Variants in PRKDC observed in about 807,000 individuals in gnomAD.
PRKDC encodes DNA-dependent protein kinase catalytic subunit.
Under a neutral mutation model 486.9 loss-of-function variants are expected in PRKDC, and 82 were observed. The observed-to-expected ratio is 0.17, with a 90% CI of 0.14 to 0.20. The LOEUF is 0.20. PRKDC is among the 10% of genes least tolerant of loss of function. The pLI is 1.00. For synonymous variants in PRKDC, 1,895 were observed against 1,837.0 expected (o/e 1.03, Z -0.81); for missense variants, 4,504 against 5,038.2 (o/e 0.89, Z 3.21).
At chr8:47,936,995 T>C (rs1213113719) in intron 11 of PRKDC, among the ~76,000 whole-genome samples, 1 of 150,064 alleles carries the variant, frequency 6.7e-6, no homozygotes, top group African/African-American at 2.4e-5. Flanking sequence ...GGCCCATGCC[T>C]GTAATCCCAG....
rs537233461 is a variant in PRKDC, at chr8:47,910,745, A to G, written c.2934+1665T>C. Reference sequence around the variant, plus strand: ...ATTTGGGGAAACGACGTTTTTTTCAATAATGACTTCTACCTCAGGTACATA... The same window carrying G: ...ATTTGGGGAAACGACGTTTTTTTCAGTAATGACTTCTACCTCAGGTACATA... On this transcript the variant is annotated intron_variant, in intron 25 of 85. Transcript: ENST00000314191. Among the ~76,000 whole-genome samples, 3 of 152,338 alleles carry G rather than the reference A, an allele frequency of 2.0e-5. No homozygotes were observed. The East Asian group carries it at 5.8e-4, about 29-fold the overall frequency.
intron 21 of PRKDC, among the ~76,000 whole-genome samples, chr8:47,921,466 G>A (rs1190879343): frequency 1.3e-5 from 2 of 152,076 alleles, no homozygotes; most frequent in African/African-American, 4.8e-5. Flanking sequence ...AATTTCTAAG[G>A]AAAATATTAA....
intron 25 of PRKDC, among the ~76,000 whole-genome samples, chr8:47,910,082 G>A (rs2089868017): frequency 6.6e-6 from 1 of 152,022 alleles, no homozygotes; most frequent in Admixed American, 6.6e-5. Context: ...TGTCATCACG[G>A]TCCCGGGTGT....
Position 47,774,233 on chromosome 8 carries a change from G to A in PRKDC, c.12327C>T (p.Asp4109=). ...CAAGGATGTTGGGGTCTGTTGCCTG[G>A]TCCATCAGGCACTTCACTTGAGTCT... The part of the protein sequence containing the change: ...SEETQVKCLM[D]QATDPNILGR... The change falls in exon 86 of 86, where the codon GAC becomes GAT. Residue 4109 remains aspartate (D), a synonymous_variant. Coordinates refer to ENST00000314191, the MANE Select transcript of PRKDC (RefSeq NM_006904.7). 1 of 1,602,132 alleles carries A rather than the reference G, an allele frequency of 6.2e-7. No individual in the cohort carries two copies. The highest frequency in any genetic ancestry group is 8.5e-7 in the Non-Finnish European group (1 of 1,174,408).
At chr8:47,786,115 A>C (rs2086786854) in intron 76 of PRKDC, among the ~76,000 whole-genome samples, 1 of 144,096 alleles carries the variant, frequency 6.9e-6, no homozygotes, top group Non-Finnish European at 1.5e-5. Context: ...CAAATAAATA[A>C]ATAAATGACA....
At chr8:47,805,874 C>T (rs2087205728) in intron 69 of PRKDC, among the ~76,000 whole-genome samples, 3 of 152,136 alleles carry the variant, frequency 2.0e-5, no homozygotes, top group Non-Finnish European at 2.9e-5. Context: ...GCCCTGCTCA[C>T]TCCCACCCCA....
intron 73 of PRKDC, among the ~76,000 whole-genome samples, chr8:47,797,472 G>A (rs997078319): frequency 3.3e-5 from 5 of 152,130 alleles, no homozygotes; most frequent in Admixed American, 6.5e-5. Flanking sequence ...CTGGGTCCCC[G>A]CAGCCCAGAG....
chr8:47,900,910 T>C lies in PRKDC; in HGVS notation c.3270-443A>G, dbSNP rs183966658. 4.0e-3 allele frequency among the ~76,000 whole-genome samples: 601 copies of C among 150,832 alleles called. 4 individuals carry two copies. The highest frequency in any genetic ancestry group is 0.025 in the South Asian group (120 of 4,780). ...TTAAAGGCTCAGCTGGGTGTGGTGG[T>C]GCATGCCTATAAAGATCACTTGAGC... On this transcript the variant is annotated intron_variant, in intron 27 of 85. Coordinates refer to ENST00000314191, the MANE Select transcript of PRKDC (RefSeq NM_006904.7).
rs1195888601 is a variant in PRKDC, at chr8:47,959,947, G to T, written c.154+26C>A. On this transcript the variant is annotated intron_variant, in intron 1 of 85. Transcript: ENST00000314191. ...CGACTCGGGAAGCCAGGACCCACCC[G>T]CGGCCCAGCTCGGGCCGGTACCCAC... The T allele has an allele frequency of 2.1e-5, 28 of 1,314,346 alleles. No homozygotes were observed. In the East Asian group the frequency reaches 1.4e-3, roughly 64 times the overall value. 81.4% of individuals were successfully genotyped at this position (1,314,346 alleles called of 1,614,324 possible). A position where few individuals can be genotyped will look rare whatever the true frequency, so the allele number is the denominator to read the frequency against.
chr8:47,778,246 G>A (rs766195845), intron 83 of PRKDC, among the ~76,000 whole-genome samples: 6 of 152,060 alleles, frequency 3.9e-5, no homozygotes, highest in African/African-American at 7.2e-5. Flanking sequence ...TTTAATTACC[G>A]GCTCTGATGA....
At chr8:47,828,424 G>C in intron 61 of PRKDC, 77 bp from the exon 62 acceptor site, 1 of 1,236,188 alleles carries the variant, frequency 8.1e-7, no homozygotes, top group Non-Finnish European at 1.1e-6. Flanking sequence ...ATCAGAGCTT[G>C]GAAAATACAA....
At chr8:47,845,748 C>A (rs1241403019) in intron 54 of PRKDC, among the ~76,000 whole-genome samples, 1 of 150,934 alleles carries the variant, frequency 6.6e-6, no homozygotes, top group Non-Finnish European at 1.5e-5. Context: ...CTGAATTCTA[C>A]CAGACATACA....
intron 1 of PRKDC, 129 bp downstream of exon 1, chr8:47,959,844 C>G: frequency 7.1e-7 from 1 of 1,418,166 alleles, no homozygotes. Flanking sequence ...CACAGAAATT[C>G]CCCCAAGAAT....
chr8:47,935,628 G>T, intron 13 of PRKDC, 104 bp downstream of exon 13: 2 of 1,308,600 alleles, frequency 1.5e-6, no homozygotes, highest in South Asian at 3.8e-5. Flanking sequence ...CAAAAGTTGT[G>T]TCAAAGATAC....
In PRKDC at chr8:47,778,396, G is replaced by A. The variant is rs894507378; in HGVS notation, c.11853+63C>T. ...CCTTAAAAACTGTCTATTTCTGGAGGTTGTTGAAAGTCCTATGATGACTCT... is the reference window on the plus strand; with the variant it reads ...CCTTAAAAACTGTCTATTTCTGGAGATTGTTGAAAGTCCTATGATGACTCT... On this transcript the variant is annotated intron_variant, in intron 83 of 85. Transcript: ENST00000314191. The A allele has an allele frequency of 2.6e-6, 4 of 1,512,486 alleles. No homozygotes were observed. The East Asian group carries it at 7.2e-5, about 27-fold the overall frequency. 93.7% of individuals were successfully genotyped at this position (1,512,486 alleles called of 1,614,324 possible). A position where few individuals can be genotyped will look rare whatever the true frequency, so the allele number is the denominator to read the frequency against.
At chr8:47,856,981 A>G (rs2088555792) in intron 49 of PRKDC, among the ~76,000 whole-genome samples, 175 bp downstream of exon 49, 1 of 152,266 alleles carries the variant, frequency 6.6e-6, no homozygotes, top group African/African-American at 2.4e-5. Flanking sequence ...CAAAGGAAAC[A>G]AAACAAAACC....
chr8:47,808,935 G>A (rs1293661156), intron 68 of PRKDC, among the ~76,000 whole-genome samples: 2 of 152,034 alleles, frequency 1.3e-5, no homozygotes, highest in Non-Finnish European at 2.9e-5. Context: ...TACTCAGGAA[G>A]ATCGCCTGAG....
In PRKDC at chr8:47,834,515, C is replaced by T. The variant is rs992960305; in HGVS notation, c.7952-119G>A. 7.8e-6 allele frequency: 8 copies of T among 1,031,930 alleles called. No individual in the cohort carries two copies. In the Admixed American group the frequency reaches 2.0e-4, roughly 25 times the overall value. The allele number at this position is 1,031,930 out of a possible 1,614,324, so 63.9% of individuals were successfully genotyped here. ...TAGGCCTCCGTGCTCAACTCCAACC[C>T]TGGGCAGAGGCTCTGTCAGGTCCCA... On this transcript the variant is annotated intron_variant, in intron 58 of 85. Transcript: ENST00000314191.
At chr8:47,858,415 T>C (rs2088595099) in intron 48 of PRKDC, 101 bp downstream of exon 48, 1 of 1,189,332 alleles carries the variant, frequency 8.4e-7, no homozygotes, top group African/African-American at 1.6e-5. Flanking sequence ...TTGTGTGTGT[T>C]TTTAAGTATA....
Sources: gnomAD v4.1 joint callset for allele counts (sites outside exome capture counted in the v4.1 genomes callset) on GRCh38, gnomAD v4.1.1 for gene constraint, MANE v1.5 for transcripts, NCBI Gene and HGNC (gene_info 2026-07-23, HGNC 2026-07-21) for gene names.